The following CDC42BPB variants were observed in gnomAD, a reference collection of about 807,000 sequenced individuals.
The protein encoded by CDC42BPB is serine/threonine-protein kinase MRCK beta.
In CDC42BPB, 37 loss-of-function variants were observed where a neutral mutation model predicts 214.9. The ratio of observed to expected loss-of-function variants is 0.17; its 90% CI spans 0.13 to 0.23. The LOEUF is 0.23. CDC42BPB is among the 10% of genes least tolerant of loss of function. The pLI, the probability that CDC42BPB is intolerant of heterozygous loss-of-function variation, is 1.00. For synonymous variants in CDC42BPB, 931 were observed against 884.0 expected (o/e 1.05, Z -0.94); for missense variants, 1,694 against 2,227.0 (o/e 0.76, Z 4.82).
intron 21 of CDC42BPB, among the ~76,000 whole-genome samples, chr14:102,958,091 T>C (rs1312307268): frequency 6.6e-6 from 1 of 152,100 alleles, no homozygotes; most frequent in East Asian, 1.9e-4. Flanking sequence ...AAAGACTAAA[T>C]GCGATTCATG....
intron 4 of CDC42BPB, among the ~76,000 whole-genome samples, chr14:103,002,852 C>A (rs943708501): frequency 1.1e-4 from 16 of 152,164 alleles, no homozygotes; most frequent in African/African-American, 3.9e-4. Flanking sequence ...CCAGCTGCCC[C>A]CTCTGCTGGG....
rs35843384 is a variant in CDC42BPB, at chr14:102,953,184, C to T, written c.3067-581G>A. On this transcript the variant is annotated intron_variant, in intron 23 of 36. Coordinates refer to ENST00000361246, the MANE Select transcript of CDC42BPB (RefSeq NM_006035.4). ...GGACCGCCTGTTTACCAAGCTCAGG[C>T]GCAGCAGAGACCAATACGATCCTCA... is the stretch of plus-strand genomic sequence containing the variant. 6.0e-4 allele frequency among the ~76,000 whole-genome samples: 92 copies of T among 152,344 alleles called. 1 individual carries two copies. In the East Asian group the frequency reaches 0.012, roughly 20 times the overall value.
chr14:102,944,506 G>T lies in CDC42BPB; in HGVS notation c.3812-19C>A, dbSNP rs774554362. On this transcript the variant is annotated intron_variant, in intron 29 of 36. Coordinates refer to ENST00000361246, the MANE Select transcript of CDC42BPB (RefSeq NM_006035.4). This position sits in a 1 kb window ranked among gnomAD's most constrained non-coding sequence, Gnocchi z 6.6. ...ACGATCACTGTGGCAAGGAGGACAA[G>T]AGCGTGAGGCCGACGGGACAGCCAG... is the stretch of plus-strand genomic sequence containing the variant. 2 of 1,600,768 alleles carry T rather than the reference G, an allele frequency of 1.2e-6. No individual in the cohort carries two copies. The highest frequency in any genetic ancestry group is 2.2e-5 in the South Asian group (2 of 89,860).
At chr14:102,965,881 C>T (rs908482371) in intron 18 of CDC42BPB, among the ~76,000 whole-genome samples, 1 of 152,146 alleles carries the variant, frequency 6.6e-6, no homozygotes, top group African/African-American at 2.4e-5. Context: ...CACTTGAAGC[C>T]GGGAGGCGGA....
At chr14:103,015,232 G>C (rs941308707) in intron 1 of CDC42BPB, among the ~76,000 whole-genome samples, 1 of 152,106 alleles carries the variant, frequency 6.6e-6, no homozygotes, top group Admixed American at 6.5e-5. Flanking sequence ...AGGAGAAAAG[G>C]GCCCAGAAGG....
At position 102,935,659 on chromosome 14, in the gene CDC42BPB, G is replaced by A. The variant is rs1041113569; in HGVS notation, c.5005-1816C>T. ...ACAAAAATCAGCCAGGTATGGTGGC[G>A]GGCACCTGTAGTCCCAGCTACTTGG... On this transcript the variant is annotated intron_variant, in intron 36 of 36. Transcript: ENST00000361246. 2.6e-5 allele frequency among the ~76,000 whole-genome samples: 4 copies of A among 151,796 alleles called. No homozygotes were observed. In the East Asian group the frequency reaches 5.8e-4, roughly 22 times the overall value.
chr14:102,958,267 T>C (rs889927303), intron 21 of CDC42BPB, among the ~76,000 whole-genome samples: 21 of 152,192 alleles, frequency 1.4e-4, no homozygotes, highest in African/African-American at 4.3e-4. Context: ...AGGAAATAAC[T>C]GCTGAAGTAT....
At chr14:103,047,657 A>G (rs973692187) in intron 1 of CDC42BPB, among the ~76,000 whole-genome samples, 2 of 152,112 alleles carry the variant, frequency 1.3e-5, no homozygotes, top group African/African-American at 4.8e-5. Context: ...TAATCCTGAC[A>G]CTTGGGGAGG....
At chr14:103,003,149 T>C (rs35038732) in intron 4 of CDC42BPB, among the ~76,000 whole-genome samples, 191 of 152,274 alleles carry the variant, frequency 1.3e-3, no homozygotes, top group African/African-American at 4.5e-3. Context: ...CCATTGGGAA[T>C]GAGTTGGGCT....
intron 1 of CDC42BPB, among the ~76,000 whole-genome samples, chr14:103,016,892 T>TC (rs1886496323): frequency 6.6e-6 from 1 of 151,982 alleles, no homozygotes; most frequent in Admixed American, 6.5e-5. Flanking sequence ...TAAAGACCAT[T>TC]CTCCAACATA....
rs150060973 is a variant in CDC42BPB at position 102,947,796 on chromosome 14, G to C, written c.3456C>G (p.Asp1152Glu). Residue 1152 changes from aspartate (D) to glutamate (E), a missense_variant, in exon 27 of 37, where the codon GAC becomes GAG. Asp to Glu is a conservative substitution (Grantham distance 45, BLOSUM62 2). This residue lies in a region of CDC42BPB where 567 missense variants were observed against 790.3 expected (regional missense o/e 0.72). Coordinates refer to ENST00000361246, the MANE Select transcript of CDC42BPB (RefSeq NM_006035.4). ...CCAGGACTGAGCTCACGGAAAACTC[G>C]TCATCTCTGGTAAGGAAGAAACATT... ...IASQVLDLRD[D>E]EFSVSSVLAS... The C allele has an allele frequency of 3.2e-5, 52 of 1,612,352 alleles. No homozygotes were observed. Among genetic ancestry groups the C allele is most frequent in the Non-Finnish European group, 4.0e-5 (47 of 1,179,812 alleles).
chr14:102,955,192 G>T (rs571309608), intron 21 of CDC42BPB, among the ~76,000 whole-genome samples: 20 of 152,338 alleles, frequency 1.3e-4, no homozygotes, highest in African/African-American at 4.6e-4. Flanking sequence ...GGAGGCTGAG[G>T]GGGGCAGACC....
chr14:103,013,540 C>T (rs965347402), intron 1 of CDC42BPB, among the ~76,000 whole-genome samples: 11 of 152,234 alleles, frequency 7.2e-5, no homozygotes, highest in African/African-American at 2.7e-4. Flanking sequence ...ACGGTCCTTA[C>T]AGACGTAACC....
rs979693866 is a variant in CDC42BPB, at chr14:102,978,555, T to C, written c.1141-350A>G. ...TGCAGAGTCCAACAGTGTGAACAGGTATGGTCCCTCTGAGGACCCCGGACA... is the reference window on the plus strand; with the variant it reads ...TGCAGAGTCCAACAGTGTGAACAGGCATGGTCCCTCTGAGGACCCCGGACA... On this transcript the variant is annotated intron_variant, in intron 8 of 36. Transcript: ENST00000361246. Among the ~76,000 whole-genome samples the C allele has an allele frequency of 6.6e-5, 10 of 152,318 alleles. No individual in the cohort carries two copies. In the South Asian group the frequency reaches 1.7e-3, roughly 25 times the overall value.
chr14:102,937,282 A>G (rs1271490983), intron 36 of CDC42BPB: 2 of 152,552 alleles, frequency 1.3e-5, no homozygotes, highest in African/African-American at 4.8e-5. Context: ...CCACCAGACA[A>G]AGACAGGCTG....
At chr14:102,937,996 G>T in intron 36 of CDC42BPB, 108 bp downstream of exon 36, 3 of 1,157,026 alleles carry the variant, frequency 2.6e-6, no homozygotes, top group African/African-American at 1.5e-5. Context: ...CCGCAAGTGG[G>T]GTGCTCCAAA....
At chr14:102,949,744 C>G in intron 26 of CDC42BPB, 21 bp downstream of exon 26, 1 of 1,613,100 alleles carries the variant, frequency 6.2e-7, no homozygotes, top group Non-Finnish European at 8.5e-7. Flanking sequence ...AGAGCAAGGA[C>G]AGTGCTGCCC....
chr14:103,046,390 T>G (rs1470249338), intron 1 of CDC42BPB, among the ~76,000 whole-genome samples: 1 of 152,010 alleles, frequency 6.6e-6, no homozygotes, highest in African/African-American at 2.4e-5. Flanking sequence ...TACAGGGAGT[T>G]TCCAATCGTC....
At chr14:102,958,861 T>C (rs1269999965) in intron 21 of CDC42BPB, among the ~76,000 whole-genome samples, 1 of 151,682 alleles carries the variant, frequency 6.6e-6, no homozygotes, top group Admixed American at 6.6e-5. Context: ...TTTTAAGAGA[T>C]AGGGTCTCGC....
Sources: allele counts gnomAD v4.1 joint callset (sites outside exome capture counted in the v4.1 genomes callset), GRCh38; gene constraint gnomAD v4.1.1; regional missense constraint gnomAD v4.1.1; non-coding constraint Gnocchi (gnomAD v3.1); transcripts MANE v1.5; gene names NCBI Gene and HGNC (gene_info 2026-07-23, HGNC 2026-07-21).